CCDC102B: variants seen among roughly 807,000 people sequenced by gnomAD.
CCDC102B encodes the protein coiled-coil domain containing 102B, also known as coiled-coil domain-containing protein 102B.
Under a neutral mutation model 57.4 loss-of-function variants are expected in CCDC102B, and 75 were observed. The ratio of observed to expected loss-of-function variants is 1.31; its 90% CI spans 1.08 to 1.58. The LOEUF (loss-of-function observed/expected upper bound fraction) is 1.58. CCDC102B is among the 40% of genes most tolerant of loss of function. The pLI is 0.00. For missense variants in CCDC102B, 636 were observed against 582.6 expected, an observed-to-expected ratio of 1.09 and a Z score of -0.94; for synonymous variants, 206 against 201.9, an observed-to-expected ratio of 1.02 and a Z score of -0.17.
At chr18:68,795,600 C>T (rs2035602892), upstream of CCDC102B, among the ~76,000 whole-genome samples, 1 of 152,110 alleles carries the variant, frequency 6.6e-6, no homozygotes, top group South Asian at 2.1e-4. Context: ...ATTGCTGTCT[C>T]TGTCTCTCTC....
chr18:68,867,311 G>T (rs1183420020), intron 4 of CCDC102B, among the ~76,000 whole-genome samples: 1 of 152,130 alleles, frequency 6.6e-6, no homozygotes, highest in Non-Finnish European at 1.5e-5. Context: ...TCTAAATATG[G>T]AGTGGCTGCA....
At position 69,011,055 on chromosome 18, in the gene CCDC102B, G is replaced by A. The variant is rs1419640497; in HGVS notation, c.1385G>A (p.Arg462Lys). The change falls in exon 7 of 8, where the codon AGA (arginine) becomes AAA (lysine). Residue 462 changes from arginine (R) to lysine (K), a missense_variant. Physicochemically the swap from Arg to Lys is conservative, Grantham distance 26 (BLOSUM62 2). Transcript: ENST00000360242. ...AATGAAGCAGAAGTAAAGAAACTAAGATTACGAGTGGAAGAACTAAAGCAG... is the reference window on the plus strand; with the variant it reads ...AATGAAGCAGAAGTAAAGAAACTAAAATTACGAGTGGAAGAACTAAAGCAG... The part of the protein sequence containing the change: ...DQNEAEVKKL[R>K]LRVEELKQGL... The A allele has an allele frequency of 2.5e-6, 4 of 1,613,894 alleles. No homozygotes were observed. In the South Asian group the frequency reaches 3.3e-5, roughly 13 times the overall value.
chr18:68,994,587 TGTG>T (rs1466566655), intron 6 of CCDC102B, among the ~76,000 whole-genome samples: 1 of 151,964 alleles, frequency 6.6e-6, no homozygotes, highest in African/African-American at 2.4e-5. Context: ...TTTTCGCCCT[TGTG>T]GTTCTTCTGA....
intron 6 of CCDC102B, among the ~76,000 whole-genome samples, chr18:68,948,327 A>C (rs1248379086): frequency 1.3e-5 from 2 of 152,142 alleles, no homozygotes; most frequent in Non-Finnish European, 2.9e-5. Flanking sequence ...TTTAAATAAA[A>C]TTCATAACTT....
At chr18:68,947,328 A>C (rs1394266354) in intron 6 of CCDC102B, among the ~76,000 whole-genome samples, 1 of 152,052 alleles carries the variant, frequency 6.6e-6, no homozygotes, top group Non-Finnish European at 1.5e-5. Context: ...AAAGTTAGAG[A>C]TTTTGAGTGA....
At chr18:68,932,482 T>C (rs1483261751) in intron 6 of CCDC102B, among the ~76,000 whole-genome samples, 1 of 151,902 alleles carries the variant, frequency 6.6e-6, no homozygotes, top group Non-Finnish European at 1.5e-5. Context: ...TTGATAAAGA[T>C]CATAGATATT....
intron 2 of CCDC102B, among the ~76,000 whole-genome samples, chr18:68,782,729 T>C (rs642274): frequency 0.98 from 149,666 of 152,274 alleles, 73,604 homozygotes; most frequent in East Asian, 1. Context: ...GGGAAATTTG[T>C]TTGAAAGTGT....
intron 6 of CCDC102B, among the ~76,000 whole-genome samples, chr18:69,009,923 G>GTTTTTTTTTTTTTTTTTTTTTTTTTTT (rs2051457244): frequency 5.2e-5 from 2 of 38,482 alleles, no homozygotes; most frequent in East Asian, 1.1e-3. Flanking sequence ...TTTTAATAAA[G>GTTTTTTTTTTTTTTTTTTTTTTTTTTT]ATTTTTTTTT....
intron 2 of CCDC102B, among the ~76,000 whole-genome samples, chr18:68,838,133 C>T (rs551162753): frequency 6.6e-5 from 10 of 152,260 alleles, no homozygotes; most frequent in South Asian, 2.1e-4. Context: ...TTTTGAGTTA[C>T]GCTCTAAGAG....
chr18:68,837,020 C>T lies in CCDC102B; in HGVS notation c.257C>T (p.Ala86Val). ...RELEEVKARA[A>V]QMEKTMRWWS... is the part of the protein sequence containing the mutation. ...CTTGAAGAAGTCAAGGCCAGAGCTG[C>T]TCAGATGGAAAAGACCATGCGGTGG... Residue 86 changes from alanine to valine, a missense_variant, in exon 2 of 8, where the codon GCT becomes GTT. Ala to Val is a moderately conservative substitution (Grantham distance 64). Coordinates refer to ENST00000360242, the MANE Select transcript of CCDC102B (RefSeq NM_024781.3). 6.2e-7 allele frequency: 1 copy of T among 1,614,116 alleles called. No homozygotes were observed. Among genetic ancestry groups the T allele is most frequent in the Non-Finnish European group, 8.5e-7 (1 of 1,180,032 alleles).
At chr18:68,842,618 G>A (rs779986105) in intron 3 of CCDC102B, among the ~76,000 whole-genome samples, 2 of 152,088 alleles carry the variant, frequency 1.3e-5, no homozygotes, top group Non-Finnish European at 2.9e-5. Context: ...ATACCTAAGC[G>A]AGAAGCAGCA....
chr18:68,925,300 A>G (rs1368878643), intron 6 of CCDC102B, among the ~76,000 whole-genome samples: 3 of 152,038 alleles, frequency 2.0e-5, no homozygotes, highest in African/African-American at 7.2e-5. Context: ...CCAGAGTCTG[A>G]TAAATCAATC....
intron 6 of CCDC102B, among the ~76,000 whole-genome samples, chr18:68,918,701 C>G (rs1387428078): frequency 6.6e-6 from 1 of 151,976 alleles, no homozygotes; most frequent in East Asian, 1.9e-4. Context: ...ATTAAGACAC[C>G]CTTGGGGTTT....
intron 6 of CCDC102B, among the ~76,000 whole-genome samples, chr18:68,977,424 T>C (rs547156067): frequency 6.7e-4 from 102 of 151,990 alleles, no homozygotes; most frequent in African/African-American, 2.4e-3. Flanking sequence ...TAGTCCCCCA[T>C]GCCCTGACAG....
At chr18:69,043,142 A>G (rs1325877587) in intron 7 of CCDC102B, among the ~76,000 whole-genome samples, 1 of 152,144 alleles carries the variant, frequency 6.6e-6, no homozygotes, top group Non-Finnish European at 1.5e-5. Context: ...TAGACAAGGT[A>G]AAGGATTAAG....
intron 5 of CCDC102B, among the ~76,000 whole-genome samples, chr18:68,887,587 T>A (rs899052325): frequency 6.6e-6 from 1 of 152,216 alleles, no homozygotes; most frequent in African/African-American, 2.4e-5. Context: ...CTGACATATT[T>A]GAGTAATCGA....
At chr18:69,023,521 A>G (rs1330512090) in intron 7 of CCDC102B, among the ~76,000 whole-genome samples, 1 of 151,658 alleles carries the variant, frequency 6.6e-6, no homozygotes, top group Non-Finnish European at 1.5e-5. Context: ...TATTATAATC[A>G]TATAAATGCT....
chr18:68,950,352 T>C (rs2049661713), intron 6 of CCDC102B, among the ~76,000 whole-genome samples: 2 of 152,156 alleles, frequency 1.3e-5, no homozygotes, highest in Admixed American at 6.6e-5. Flanking sequence ...TGGGCATTTG[T>C]ATACTTTGAT....
intron 2 of CCDC102B, among the ~76,000 whole-genome samples, chr18:68,784,153 T>C (rs2035103562): frequency 6.6e-6 from 1 of 152,116 alleles, no homozygotes; most frequent in African/African-American, 2.4e-5. Flanking sequence ...GACTGGGTAA[T>C]TTATAAAGAA....
Sources: allele counts gnomAD v4.1 joint callset (sites outside exome capture counted in the v4.1 genomes callset), GRCh38; gene constraint gnomAD v4.1.1; transcripts MANE v1.5; gene names NCBI Gene and HGNC (gene_info 2026-07-23, HGNC 2026-07-21).